Variants in ATAD2 observed in about 807,000 individuals in gnomAD.
ATAD2 encodes the protein ATPase family AAA domain containing 2.
A neutral mutation model predicts 168.9 loss-of-function variants in ATAD2; 62 were observed. The observed-to-expected ratio is 0.37, with a 90% CI of 0.30 to 0.45. The LOEUF (loss-of-function observed/expected upper bound fraction) is 0.45. ATAD2 is among the 20% of genes least tolerant of loss of function. The pLI, the probability that ATAD2 is intolerant of heterozygous loss-of-function variation, is 1.00. For missense variants in ATAD2, 1,419 were observed against 1,667.8 expected (o/e 0.85, Z 2.60); for synonymous variants, 613 against 571.6 (o/e 1.07, Z -1.03).
At position 123,396,392 on chromosome 8, in the gene ATAD2, G is replaced by C. The variant is rs764106267; in HGVS notation, c.-35C>G. ...CTACTGGCCTCGGCGTGCGCGACCGGAGAGAGATCCAGCTCCAGGCGCTCG... is the reference window on the plus strand; with the variant it reads ...CTACTGGCCTCGGCGTGCGCGACCGCAGAGAGATCCAGCTCCAGGCGCTCG... On this transcript the variant is annotated 5_prime_UTR_variant, in exon 1 of 28. Transcript: ENST00000287394. 7.2e-6 allele frequency: 11 copies of C among 1,528,878 alleles called. No homozygotes were observed. The highest frequency in any genetic ancestry group is 1.2e-5 in the South Asian group (1 of 83,586). The allele number at this position is 1,528,878 out of a possible 1,614,324, so 94.7% of individuals were successfully genotyped here.
At chr8:123,383,332 CTTAAAATATAA>C (rs1487062260) in intron 1 of ATAD2, among the ~76,000 whole-genome samples, 1 of 151,700 alleles carries the variant, frequency 6.6e-6, no homozygotes, top group African/African-American at 2.4e-5. Context: ...TATCCCAGAA[CTTAAAATATAA>C]TTTTAAAAGT....
intron 8 of ATAD2, 106 bp from the exon 9 acceptor site, chr8:123,361,752 A>C (rs1324398984): frequency 8.6e-6 from 7 of 814,412 alleles, no homozygotes; most frequent in East Asian, 5.2e-5. Flanking sequence ...TTTATCATAA[A>C]ATTAATACAT....
intron 1 of ATAD2, among the ~76,000 whole-genome samples, chr8:123,408,916 C>T (rs1303185304): frequency 5.1e-4 from 77 of 152,260 alleles, no homozygotes. Context: ...CAACCTCCGC[C>T]TCCCAAGTTC....
At chr8:123,387,076 C>T (rs1458619251) in intron 1 of ATAD2, among the ~76,000 whole-genome samples, 1 of 152,040 alleles carries the variant, frequency 6.6e-6, no homozygotes, top group Non-Finnish European at 1.5e-5. Context: ...TAATTTCAGC[C>T]ACTCACAGAC....
chr8:123,372,410 G>A (rs1829175455), intron 3 of ATAD2, among the ~76,000 whole-genome samples: 1 of 152,160 alleles, frequency 6.6e-6, no homozygotes, highest in South Asian at 2.1e-4. Flanking sequence ...GAGGAGAGAA[G>A]CTAGAAGAGC....
At chr8:123,328,138 C>T (rs556393688) in intron 25 of ATAD2, 52 bp downstream of exon 25, 11 of 1,309,894 alleles carry the variant, frequency 8.4e-6, no homozygotes, top group African/African-American at 1.5e-5. Context: ...TGTTTAGAAA[C>T]TTTGAAATAT....
At position 123,325,924 on chromosome 8, in the gene ATAD2, G is replaced by C. The variant is rs1031909920; in HGVS notation, c.3971C>G (p.Pro1324Arg). Residue 1324 changes from proline to arginine, a missense_variant, in exon 26 of 28, where the codon CCC (proline) becomes CGC (arginine). Pro to Arg is a moderately radical substitution (Grantham distance 103). Around this residue, in one of 5 missense-constraint regions of ATAD2, gnomAD observed 303 missense variants for 304.3 expected, o/e 1.00. Transcript: ENST00000287394. ...KALAILSQPT[P>R]SLVVDHERLK... The stretch of plus-strand genomic sequence containing the variant: ...TCGCTCATGATCCACAACAAGTGAG[G>C]GTGTAGGCTGAGAAAGAATTGCCAA... The C allele has an allele frequency of 4.3e-6, 7 of 1,614,008 alleles. No homozygotes were observed. In the African/African-American group the frequency reaches 9.3e-5, roughly 22 times the overall value.
In ATAD2 at chr8:123,403,265, A is replaced by AT. The variant is rs528690869; in HGVS notation, c.-2281-2091dup. ...AGGGGTACACCTCTGCTCCCAGCTA[A>AT]TTTTTTGTATTTTTCGTGGAGACGG... On this transcript the variant is annotated intron_variant, in intron 1 of 28. Coordinates refer to the ATAD2 transcript ENST00000521903. Among the ~76,000 whole-genome samples the AT allele has an allele frequency of 1.2e-3, 178 of 151,594 alleles. No individual in the cohort carries two copies. In the Middle Eastern group the frequency reaches 0.017, roughly 15 times the overall value.
At chr8:123,332,566 A>G (rs996790688) in intron 24 of ATAD2, among the ~76,000 whole-genome samples, 3 of 152,172 alleles carry the variant, frequency 2.0e-5, no homozygotes, top group South Asian at 2.1e-4. Flanking sequence ...TTCACTCAAC[A>G]TTGTTTGGGA....
intron 1 of ATAD2, among the ~76,000 whole-genome samples, chr8:123,405,994 T>C (rs1364966796): frequency 3.9e-5 from 6 of 152,208 alleles, no homozygotes; most frequent in Non-Finnish European, 8.8e-5. Flanking sequence ...AAAAGAAGCC[T>C]GAATAATTCC....
intron 19 of ATAD2, among the ~76,000 whole-genome samples, chr8:123,339,897 C>T (rs1017785561): frequency 1.8e-4 from 26 of 145,692 alleles, no homozygotes; most frequent in African/African-American, 6.0e-4. Context: ...TTTTTGTTTT[C>T]TTTTTTTTTT....
At chr8:123,390,624 T>C (rs1415940491) in intron 1 of ATAD2, among the ~76,000 whole-genome samples, 1 of 152,250 alleles carries the variant, frequency 6.6e-6, no homozygotes, top group African/African-American at 2.4e-5. Flanking sequence ...GTGTTGAGTT[T>C]TGAGTATCTT....
At position 123,369,939 on chromosome 8, in the gene ATAD2, A is replaced by G. The variant is rs761073212; in HGVS notation, c.813T>C (p.Asp271=). The change falls in exon 7 of 28, where the codon GAT becomes GAC. Residue 271 remains aspartate (D), a synonymous_variant. Transcript: ENST00000287394. The part of the protein sequence containing the change: ...DDEDDDDDDD[D]DDDDDDEDDE... ...CATCTTCATCATCATCATCATCATC[A>G]TCATCGTCATCATCATCATCATCTT... is the stretch of plus-strand genomic sequence containing the variant. The G allele has an allele frequency of 1.5e-4, 240 of 1,568,784 alleles. No homozygotes were observed. The highest frequency in any genetic ancestry group is 2.7e-4 in the Admixed American group (16 of 59,676).
chr8:123,353,794 C>G (rs1211556228), intron 13 of ATAD2, among the ~76,000 whole-genome samples: 1 of 151,958 alleles, frequency 6.6e-6, no homozygotes, highest in African/African-American at 2.4e-5. Context: ...AAACAAAAAA[C>G]TCTGTCCCAA....
intron 1 of ATAD2, chr8:123,401,471 T>TG: frequency 1.9e-6 from 3 of 1,550,942 alleles, no homozygotes; most frequent in Non-Finnish European, 2.7e-6. Flanking sequence ...TCCAGGTGAT[T>TG]GGGGGGAACG....
chr8:123,359,606 C>T lies in ATAD2; in HGVS notation c.1237G>A (p.Asp413Asn), dbSNP rs770290089. The T allele has an allele frequency of 5.6e-6, 9 of 1,612,972 alleles. No individual in the cohort carries two copies. The highest frequency in any genetic ancestry group is 2.2e-5 in the East Asian group (1 of 44,842). The change falls in exon 10 of 28, where the codon GAT becomes AAT. Residue 413 changes from aspartate to asparagine, a missense_variant. This residue lies in a region of ATAD2 where 146 missense variants were observed against 188.3 expected (regional missense o/e 0.78). Transcript: ENST00000287394. ...DRMKIGASLADVDPMQLDSSV... is the reference protein window; with the variant it reads ...DRMKIGASLANVDPMQLDSSV... ...GAATCTAGTTGCATTGGATCAACAT[C>T]GGCAAGGCTTGCTCCAATTTTCATT...
intron 27 of ATAD2, among the ~76,000 whole-genome samples, chr8:123,322,687 A>C (rs981919441): frequency 6.6e-6 from 1 of 152,156 alleles, no homozygotes; most frequent in Non-Finnish European, 1.5e-5. Flanking sequence ...TAAATAAATA[A>C]ACAAACAAAC....
In ATAD2 at chr8:123,402,829, AT is replaced by A. The variant is rs1813023433; in HGVS notation, c.-2281-1655del. ...GGTCTCAATGCCAATAATAATAATA[AT>A]AATAATAATAATAAAAATCAACACA... On this transcript the variant is annotated intron_variant, in intron 1 of 28. Transcript: ENST00000521903. The surrounding 1 kb of genome is among the most constrained non-coding windows in gnomAD (Gnocchi z 4.8). 6.6e-6 allele frequency among the ~76,000 whole-genome samples: 1 copy of A among 151,802 alleles called. No homozygotes were observed. The highest frequency in any genetic ancestry group is 2.4e-5 in the African/African-American group (1 of 41,308).
At chr8:123,338,127 TG>T (rs1190320696) in intron 20 of ATAD2, among the ~76,000 whole-genome samples, 2 of 152,018 alleles carry the variant, frequency 1.3e-5, no homozygotes, top group Non-Finnish European at 2.9e-5. Flanking sequence ...GAGGCCGAGG[TG>T]GGTGGATCAC....
Sources: allele counts gnomAD v4.1 joint callset (sites outside exome capture counted in the v4.1 genomes callset), GRCh38; gene constraint gnomAD v4.1.1; regional missense constraint gnomAD v4.1.1; non-coding constraint Gnocchi (gnomAD v3.1); transcripts MANE v1.5; gene names NCBI Gene and HGNC (gene_info 2026-07-23, HGNC 2026-07-21).